The following ARHGEF9 variants were observed in gnomAD, a reference collection of about 807,000 sequenced individuals.
ARHGEF9 encodes the protein Cdc42 guanine nucleotide exchange factor 9.
A neutral mutation model predicts 41.3 loss-of-function variants in ARHGEF9; 2 were observed. The ratio of observed to expected loss-of-function variants is 0.05; its 90% CI spans 0.02 to 0.15. ARHGEF9 has a LOEUF of 0.15. Among genes scored for constraint, ARHGEF9 ranks in the 10% least tolerant of loss-of-function variants. The probability of loss-of-function intolerance (pLI) is 1.00; values close to 1 mark genes in which losing one functional copy is unlikely to be tolerated. For missense variants in ARHGEF9, 225 were observed against 424.7 expected, an observed-to-expected ratio of 0.53 and a Z score of 4.13; for synonymous variants, 160 against 154.4, an observed-to-expected ratio of 1.04 and a Z score of -0.27.
In ARHGEF9 at chrX:63,647,651, T is replaced by G. The variant is rs1329036586; in HGVS notation, c.1322-3603A>C. Among the ~76,000 whole-genome samples, 10 of 111,692 alleles carry G rather than the reference T, an allele frequency of 9.0e-5. No homozygotes were observed. In the East Asian group the frequency reaches 2.8e-3, roughly 32 times the overall value. Reference sequence around the variant, plus strand: ...GGTTTGCCAGTATTTTATTGAGGATTTTTGCATCAATGTTCATCAGGGATA... The same window carrying G: ...GGTTTGCCAGTATTTTATTGAGGATGTTTGCATCAATGTTCATCAGGGATA... On this transcript the variant is annotated intron_variant, in intron 8 of 9. Coordinates refer to ENST00000671741, the MANE Select transcript of ARHGEF9 (RefSeq NM_001353921.2).
At chrX:63,744,243 C>T (rs1419330824) in intron 1 of ARHGEF9, among the ~76,000 whole-genome samples, 4 of 112,604 alleles carry the variant, frequency 3.6e-5, no homozygotes, top group African/African-American at 1.3e-4. Context: ...TTCTGTGACA[C>T]TTTGCTTTCC....
In ARHGEF9 at chrX:63,635,832, T is replaced by G. The variant is rs1441872378; in HGVS notation, c.*2196A>C. On this transcript the variant is annotated 3_prime_UTR_variant, in exon 10 of 10. Coordinates refer to ENST00000671741, the MANE Select transcript of ARHGEF9 (RefSeq NM_001353921.2). ...AGCCTAGTAAGGAGGAGTGAGAAGT[T>G]GGAAAAAGAGGTACACTGAAGGGAG... 10 of 154,145 alleles carry G rather than the reference T, an allele frequency of 6.5e-5. No individual in the cohort carries two copies. The highest frequency in any genetic ancestry group is 1.1e-4 in the Non-Finnish European group (9 of 83,770). 12.7% of individuals were successfully genotyped at this position (154,145 alleles called of 1,213,427 possible).
intron 4 of ARHGEF9, among the ~76,000 whole-genome samples, chrX:63,694,400 A>G (rs1333423357): frequency 1.8e-5 from 2 of 112,216 alleles, no homozygotes; most frequent in Non-Finnish European, 3.8e-5. Flanking sequence ...CTCAAAAAAT[A>G]TTGTACTAGA....
At chrX:63,741,578 G>T (rs2054949470) in intron 1 of ARHGEF9, among the ~76,000 whole-genome samples, 1 of 112,514 alleles carries the variant, frequency 8.9e-6, no homozygotes, top group South Asian at 3.6e-4. Context: ...GTGGAGTGTT[G>T]TTTGCCCAAG....
Position 63,636,573 on chromosome X carries a change from G to A in ARHGEF9, c.*1455C>T. The A allele has an allele frequency of 5.3e-6, 1 of 188,105 alleles. No homozygotes were observed. The highest frequency in any genetic ancestry group is 9.8e-6 in the Non-Finnish European group (1 of 101,784). 15.5% of individuals were successfully genotyped at this position (188,105 alleles called of 1,213,427 possible). On this transcript the variant is annotated 3_prime_UTR_variant, in exon 10 of 10. Coordinates refer to ENST00000671741, the MANE Select transcript of ARHGEF9 (RefSeq NM_001353921.2). ...GGATGTTGGAAACACGGCCTTCTTT[G>A]AGTGCCAGAACAGCTTTAACTATAT...
intron 4 of ARHGEF9, among the ~76,000 whole-genome samples, chrX:63,687,814 A>C: frequency 9.1e-6 from 1 of 110,385 alleles, no homozygotes; most frequent in Middle Eastern, 4.6e-3. Context: ...ATACACAATA[A>C]GAAGAGAAAA....
chrX:63,729,348 T>C (rs1258368845), intron 1 of ARHGEF9, among the ~76,000 whole-genome samples: 2 of 111,253 alleles, frequency 1.8e-5, no homozygotes, highest in African/African-American at 6.6e-5. Flanking sequence ...AGATGGAATG[T>C]GAGGTAAGGA....
chrX:63,648,484 C>T (rs1332243869), intron 8 of ARHGEF9, among the ~76,000 whole-genome samples: 1 of 111,487 alleles, frequency 9.0e-6, no homozygotes, highest in Non-Finnish European at 1.9e-5. Context: ...CTGTACCAGC[C>T]ACTGCAAAAG....
intron 1 of ARHGEF9, among the ~76,000 whole-genome samples, chrX:63,731,742 G>A (rs1339821090): frequency 1.8e-5 from 2 of 109,705 alleles, no homozygotes; most frequent in South Asian, 3.9e-4. Context: ...TGTATTTTTC[G>A]TAGAGACAGG....
intron 2 of ARHGEF9, among the ~76,000 whole-genome samples, chrX:63,723,995 G>T (rs1356125673): frequency 1.8e-5 from 2 of 112,063 alleles, no homozygotes; most frequent in Non-Finnish European, 3.8e-5. Context: ...CTAGCGCCTG[G>T]GGGGCAGGGA....
chrX:63,724,795 C>T, intron 1 of ARHGEF9, 84 bp from the exon 2 acceptor site: 1 of 943,384 alleles, frequency 1.1e-6, no homozygotes, highest in Non-Finnish European at 1.5e-6. Flanking sequence ...CTACTACTTA[C>T]AGAGAAACTC....
At chrX:63,638,703 C>A in intron 9 of ARHGEF9, 2 of 301,146 alleles carry the variant, frequency 6.6e-6, no homozygotes, top group Non-Finnish European at 1.2e-5. Context: ...CTATTGACTT[C>A]AGGACAGGTT....
intron 1 of ARHGEF9, among the ~76,000 whole-genome samples, chrX:63,762,341 A>C (rs2056048702): frequency 8.9e-6 from 1 of 111,805 alleles, no homozygotes; most frequent in Non-Finnish European, 1.9e-5. Context: ...GGATATGGTA[A>C]TATGTTGAAA....
intron 3 of ARHGEF9, among the ~76,000 whole-genome samples, chrX:63,700,734 A>T (rs1284284529): frequency 9.0e-6 from 1 of 110,919 alleles, no homozygotes; most frequent in Non-Finnish European, 1.9e-5. Context: ...GATGGAAGAC[A>T]TAAAATTTGT....
At chrX:63,780,801 C>T (rs186355467) in intron 1 of ARHGEF9, among the ~76,000 whole-genome samples, 2 of 111,731 alleles carry the variant, frequency 1.8e-5, no homozygotes, top group African/African-American at 3.3e-5. Flanking sequence ...TGGCCCCTGA[C>T]GCACACAGTT....
intron 2 of ARHGEF9, among the ~76,000 whole-genome samples, chrX:63,714,472 A>T (rs1443426752): frequency 8.9e-6 from 1 of 112,137 alleles, no homozygotes; most frequent in Admixed American, 9.4e-5. Context: ...ATTGAAGCAA[A>T]GTCTCTGGAC....
At chrX:63,644,364 T>C (rs142026873) in intron 8 of ARHGEF9, 235 of 148,735 alleles carry the variant, frequency 1.6e-3, no homozygotes, top group East Asian at 0.014. Context: ...GGAAAAAATA[T>C]TTTGTAACCA....
chrX:63,651,586 C>G (rs1259729821), intron 8 of ARHGEF9, among the ~76,000 whole-genome samples: 2 of 111,298 alleles, frequency 1.8e-5, no homozygotes, highest in African/African-American at 6.5e-5. Context: ...GGATGGATTA[C>G]TGTTCTAAAA....
intron 5 of ARHGEF9, among the ~76,000 whole-genome samples, chrX:63,675,288 G>A (rs2050191512): frequency 8.9e-6 from 1 of 112,005 alleles, no homozygotes; most frequent in South Asian, 3.7e-4. Context: ...ACATGACACA[G>A]TATAGACCAC....
Sources: gnomAD v4.1 joint callset for allele counts (sites outside exome capture counted in the v4.1 genomes callset) on GRCh38, gnomAD v4.1.1 for gene constraint, MANE v1.5 for transcripts, NCBI Gene and HGNC (gene_info 2026-07-23, HGNC 2026-07-21) for gene names.